SOS2: variants seen among roughly 807,000 people sequenced by gnomAD.
The protein encoded by SOS2 is son of sevenless homolog 2.
SOS2 carries 65 observed loss-of-function variants against 148.2 expected under a neutral mutation model. The observed-to-expected ratio is 0.44, with a 90% confidence interval of 0.36 to 0.54. The LOEUF (loss-of-function observed/expected upper bound fraction) is 0.54, where lower values mean the gene tolerates loss of function less well. Among genes scored for constraint, SOS2 ranks in the 20% least tolerant of loss-of-function variants. The probability of loss-of-function intolerance (pLI) is 0.00; values close to 1 mark genes in which losing one functional copy is unlikely to be tolerated. For synonymous variants in SOS2, 539 were observed against 537.1 expected (o/e 1.00, Z -0.05); for missense variants, 1,341 against 1,590.2 (o/e 0.84, Z 2.67).
intron 8 of SOS2, among the ~76,000 whole-genome samples, chr14:50,172,701 T>C (rs79488472): frequency 1.3e-5 from 2 of 152,202 alleles, no homozygotes; most frequent in East Asian, 3.9e-4. Flanking sequence ...CCAAAATTAC[T>C]ACTACCTAGT....
intron 21 of SOS2, among the ~76,000 whole-genome samples, chr14:50,123,719 A>T (rs1883596659): frequency 6.6e-6 from 1 of 152,174 alleles, no homozygotes; most frequent in South Asian, 2.1e-4. Context: ...AACAAGGTCT[A>T]ACTCAGATTC....
intron 1 of SOS2, among the ~76,000 whole-genome samples, chr14:50,222,237 T>C (rs1188065172): frequency 1.3e-5 from 2 of 152,164 alleles, no homozygotes; most frequent in East Asian, 1.9e-4. Context: ...AAATGTAAAA[T>C]GAAAATTTCT....
At chr14:50,139,753 A>G (rs1884208359) in intron 17 of SOS2, among the ~76,000 whole-genome samples, 189 bp downstream of exon 17, 1 of 152,220 alleles carries the variant, frequency 6.6e-6, no homozygotes, top group Non-Finnish European at 1.5e-5. Context: ...ATCCTTATTT[A>G]TAACAACCCT....
intron 1 of SOS2, among the ~76,000 whole-genome samples, chr14:50,210,558 A>C (rs1179404659): frequency 6.6e-6 from 1 of 152,178 alleles, no homozygotes; most frequent in Non-Finnish European, 1.5e-5. Flanking sequence ...TAAACTTTAA[A>C]ATTTAGGTTT....
intron 1 of SOS2, among the ~76,000 whole-genome samples, chr14:50,223,006 A>G (rs188016549): frequency 2.6e-5 from 4 of 152,350 alleles, no homozygotes; most frequent in African/African-American, 9.6e-5. Flanking sequence ...GTAAAAGTCA[A>G]AAAGTATAAA....
intron 21 of SOS2, among the ~76,000 whole-genome samples, chr14:50,128,298 A>T (rs1883748462): frequency 6.6e-6 from 1 of 152,192 alleles, no homozygotes; most frequent in East Asian, 1.9e-4. Context: ...TAGGAAAGAA[A>T]GAAGGGAAAG....
intron 1 of SOS2, among the ~76,000 whole-genome samples, chr14:50,206,798 T>C (rs1415058200): frequency 6.6e-6 from 1 of 152,232 alleles, no homozygotes; most frequent in African/African-American, 2.4e-5. Context: ...ACATACTTTC[T>C]TTTTCATTTT....
At chr14:50,119,317 A>G (rs1473617030) in intron 22 of SOS2, among the ~76,000 whole-genome samples, 8 of 152,124 alleles carry the variant, frequency 5.3e-5, no homozygotes, top group Non-Finnish European at 1.2e-4. Flanking sequence ...TAGAAAAGCA[A>G]ATTCTTGGGC....
chr14:50,136,226 C>G (rs1195791944), intron 18 of SOS2, among the ~76,000 whole-genome samples: 2 of 152,142 alleles, frequency 1.3e-5, no homozygotes, highest in Admixed American at 6.6e-5. Flanking sequence ...TCATCCTTTG[C>G]TCTATTTTAA....
intron 1 of SOS2, among the ~76,000 whole-genome samples, chr14:50,230,423 G>A (rs1009761482): frequency 3.9e-5 from 6 of 152,184 alleles, no homozygotes; most frequent in Admixed American, 6.5e-5. Flanking sequence ...AAAAATGATC[G>A]TATGGTTACT....
chr14:50,174,040 T>G (rs1206257353), intron 8 of SOS2, among the ~76,000 whole-genome samples: 1 of 152,126 alleles, frequency 6.6e-6, no homozygotes, highest in Non-Finnish European at 1.5e-5. Flanking sequence ...TAAGATCAGG[T>G]CATTGACTAT....
intron 1 of SOS2, among the ~76,000 whole-genome samples, chr14:50,217,323 A>G (rs140090582): frequency 4.5e-4 from 69 of 152,318 alleles, no homozygotes; most frequent in African/African-American, 1.4e-3. Context: ...AATCAGCACC[A>G]TAAGACAAGG....
At chr14:50,178,725 C>T (rs1256641492) in intron 7 of SOS2, among the ~76,000 whole-genome samples, 2 of 4,912 alleles carry the variant, frequency 4.1e-4, no homozygotes, top group African/African-American at 5.3e-4. Context: ...CACATATACA[C>T]ACACATATAT....
intron 19 of SOS2, among the ~76,000 whole-genome samples, chr14:50,133,242 C>CTTTTTCTTT (rs1883955098): frequency 2.5e-5 from 2 of 78,816 alleles, no homozygotes; most frequent in Admixed American, 2.0e-4. Flanking sequence ...TTTCTTTTTT[C>CTTTTTCTTT]TTTTTTCTTT....
In SOS2 at chr14:50,141,274, C is replaced by G. The variant is rs150449439; in HGVS notation, c.2668-1215G>C. Reference sequence around the variant, plus strand: ...GTGGCTCACACCTGTAATCCCAGCACTTTGAGATGTTGGGGTGGGAGAATA... The same window carrying G: ...GTGGCTCACACCTGTAATCCCAGCAGTTTGAGATGTTGGGGTGGGAGAATA... On this transcript the variant is annotated intron_variant, in intron 16 of 22. Coordinates refer to ENST00000216373, the MANE Select transcript of SOS2 (RefSeq NM_006939.4). Among the ~76,000 whole-genome samples, 8 of 144,440 alleles carry G rather than the reference C, an allele frequency of 5.5e-5. No individual in the cohort carries two copies. The East Asian group carries it at 1.7e-3, about 30-fold the overall frequency. 94.8% of individuals were successfully genotyped at this position (144,440 alleles called of 152,430 possible). A position where few individuals can be genotyped will look rare whatever the true frequency, so the allele number is the denominator to read the frequency against.
chr14:50,224,165 C>T (rs1452980538), intron 1 of SOS2, among the ~76,000 whole-genome samples: 1 of 151,534 alleles, frequency 6.6e-6, no homozygotes, highest in Non-Finnish European at 1.5e-5. Flanking sequence ...GTGGTGCGCG[C>T]CTGTAATCCC....
Position 50,134,151 on chromosome 14 carries a change from G to C in SOS2, c.3047C>G (p.Pro1016Arg). ...YLFNKSLEIE[P>R]RNCKQPPRFP... is the part of the protein sequence containing the mutation. ...TCGAGGTGGCTGTTTGCAGTTTCGA[G>C]GTTCAATTTCTAGTGACTTGTTGAA... Residue 1016 changes from proline to arginine, a missense_variant, in exon 19 of 23, where the codon CCT (proline) becomes CGT (arginine). Around this residue, in one of 4 missense-constraint regions of SOS2, gnomAD observed 408 missense variants for 506.6 expected, o/e 0.81. Transcript: ENST00000216373. The C allele has an allele frequency of 6.3e-7, 1 of 1,595,590 alleles. No individual in the cohort carries two copies. The highest frequency in any genetic ancestry group is 8.6e-7 in the Non-Finnish European group (1 of 1,163,810).
At chr14:50,150,715 G>T (rs182303746) in intron 13 of SOS2, among the ~76,000 whole-genome samples, 1 of 151,418 alleles carries the variant, frequency 6.6e-6, no homozygotes. Flanking sequence ...ATATCACCAC[G>T]CCTGGCTAAT....
At chr14:50,127,179 C>T (rs556579460) in intron 21 of SOS2, among the ~76,000 whole-genome samples, 198 of 141,934 alleles carry the variant, frequency 1.4e-3, no homozygotes, top group African/African-American at 4.9e-3. Flanking sequence ...CTCACTCTGT[C>T]GCCCCAGGCT....
Sources: allele counts gnomAD v4.1 joint callset (sites outside exome capture counted in the v4.1 genomes callset), GRCh38; gene constraint gnomAD v4.1.1; regional missense constraint gnomAD v4.1.1; transcripts MANE v1.5; gene names NCBI Gene and HGNC (gene_info 2026-07-23, HGNC 2026-07-21).